The following SHANK2 variants were observed in gnomAD, a reference collection of about 807,000 sequenced individuals.
The protein encoded by SHANK2 is SH3 and multiple ankyrin repeat domains protein 2.
SHANK2 carries 43 observed loss-of-function variants against 133.7 expected under a neutral mutation model. The observed-to-expected ratio is 0.32, with a 90% CI of 0.25 to 0.41. The LOEUF is 0.41. SHANK2 is among the 10% of genes least tolerant of loss of function. The pLI, the probability that SHANK2 is intolerant of heterozygous loss-of-function variation, is 1.00. For synonymous variants in SHANK2, 1,017 were observed against 952.8 expected, an observed-to-expected ratio of 1.07 and a Z score of -1.24; for missense variants, 1,994 against 2,235.8, an observed-to-expected ratio of 0.89 and a Z score of 2.18.
intron 11 of SHANK2, among the ~76,000 whole-genome samples, chr11:70,840,035 A>G (rs533089585): frequency 1.6e-4 from 24 of 152,336 alleles, no homozygotes; most frequent in Non-Finnish European, 1.0e-4. Flanking sequence ...GCAGCTATGC[A>G]GCCCTGGGGC....
intron 15 of SHANK2, among the ~76,000 whole-genome samples, chr11:70,678,004 G>A (rs1301365974): frequency 6.6e-6 from 1 of 152,068 alleles, no homozygotes; most frequent in Non-Finnish European, 1.5e-5. Context: ...TTTGTTAGGG[G>A]GCCCCCTCCA....
At chr11:70,756,584 G>C (rs564716019) in intron 14 of SHANK2, among the ~76,000 whole-genome samples, 1 of 152,248 alleles carries the variant, frequency 6.6e-6, no homozygotes, top group Admixed American at 6.5e-5. Flanking sequence ...CACAACCCCT[G>C]CTGCCCTCTC....
At chr11:71,249,805 G>T (rs1428286169) in intron 1 of SHANK2, among the ~76,000 whole-genome samples, 1 of 152,158 alleles carries the variant, frequency 6.6e-6, no homozygotes, top group Admixed American at 6.5e-5. Flanking sequence ...CTGTATACTG[G>T]TTAATTCCCG....
intron 10 of SHANK2, among the ~76,000 whole-genome samples, chr11:70,905,711 C>G (rs1555077787): frequency 6.6e-6 from 1 of 152,122 alleles, no homozygotes; most frequent in African/African-American, 2.4e-5. Flanking sequence ...CCTCATCAGA[C>G]AGCCCATCTG....
rs782465377 is a variant in SHANK2, at chr11:71,113,287, G to A, written c.483+6C>T. 35 of 1,551,462 alleles carry A rather than the reference G, an allele frequency of 2.3e-5. No individual in the cohort carries two copies. In the Admixed American group the frequency reaches 6.1e-4, roughly 27 times the overall value. ...ACGTGTAAATAACAGCCCGTTCCCTGCATACCTTCGTGTGGAGCTTGGCCA... is the reference window on the plus strand; with the variant it reads ...ACGTGTAAATAACAGCCCGTTCCCTACATACCTTCGTGTGGAGCTTGGCCA... On this transcript the variant is annotated splice_donor_region_variant and intron_variant, in intron 5 of 25. Transcript: ENST00000601538.
chr11:70,847,732 C>T (rs1949017308), intron 11 of SHANK2, among the ~76,000 whole-genome samples: 1 of 152,216 alleles, frequency 6.6e-6, no homozygotes, highest in Admixed American at 6.5e-5. Context: ...TCTCCCACAT[C>T]CCCACAGAGA....
At chr11:70,880,556 C>T (rs533186296) in intron 11 of SHANK2, among the ~76,000 whole-genome samples, 9 of 152,332 alleles carry the variant, frequency 5.9e-5, no homozygotes, top group Non-Finnish European at 7.3e-5. Flanking sequence ...CACCTGGAAG[C>T]GGGCATGCCC....
intron 11 of SHANK2, among the ~76,000 whole-genome samples, chr11:70,859,568 G>C (rs1949225602): frequency 6.6e-6 from 1 of 152,128 alleles, no homozygotes; most frequent in African/African-American, 2.4e-5. Flanking sequence ...GGGATGGATG[G>C]ACTAGTCAGA....
intron 11 of SHANK2, among the ~76,000 whole-genome samples, chr11:70,891,358 C>T (rs1208920909): frequency 1.3e-5 from 2 of 151,698 alleles, no homozygotes; most frequent in Non-Finnish European, 2.9e-5. Flanking sequence ...AAAAAGTAGC[C>T]GGGGGTGGTG....
intron 2 of SHANK2, among the ~76,000 whole-genome samples, chr11:71,192,068 C>T (rs1555115528): frequency 6.6e-6 from 1 of 152,084 alleles, no homozygotes; most frequent in African/African-American, 2.4e-5. Flanking sequence ...ACCGTGTCGA[C>T]CAGGCTGGTC....
At chr11:70,586,748 C>T (rs1432968870) in intron 17 of SHANK2, among the ~76,000 whole-genome samples, 1 of 152,160 alleles carries the variant, frequency 6.6e-6, no homozygotes, top group African/African-American at 2.4e-5. Context: ...AAGCACGGCT[C>T]GCAGCTGGAG....
chr11:70,929,386 T>C (rs1157055100), intron 10 of SHANK2, among the ~76,000 whole-genome samples: 1 of 152,200 alleles, frequency 6.6e-6, no homozygotes, highest in Non-Finnish European at 1.5e-5. Context: ...CTGTAACAAA[T>C]GATGCAATGT....
At chr11:70,748,051 CTG>C (rs1362035742) in intron 14 of SHANK2, among the ~76,000 whole-genome samples, 2 of 148,708 alleles carry the variant, frequency 1.3e-5, no homozygotes, top group East Asian at 3.8e-4. Flanking sequence ...CTTGTCCACT[CTG>C]TACACCTCCT....
At chr11:71,073,148 T>TTTTC (rs1951168076) in intron 9 of SHANK2, among the ~76,000 whole-genome samples, 2 of 33,874 alleles carry the variant, frequency 5.9e-5, no homozygotes, top group African/African-American at 9.8e-5. Flanking sequence ...TTTTCTTTTC[T>TTTTC]TTTTTTTCTT....
chr11:70,500,559 G>C lies in SHANK2; in HGVS notation c.2308+11C>G, dbSNP rs781857555. ...GGCAGGGGGCTGAGACAGACACTGG[G>C]CCTCCCTTACCCTTCTTCTTCCGGA... On this transcript the variant is annotated intron_variant, in intron 21 of 25. Transcript: ENST00000601538. This position sits in a 1 kb window ranked among gnomAD's most constrained non-coding sequence, Gnocchi z 4.5. 3.1e-6 allele frequency: 5 copies of C among 1,602,084 alleles called. No individual in the cohort carries two copies. The highest frequency in any genetic ancestry group is 2.3e-5 in the East Asian group (1 of 44,424).
intron 2 of SHANK2, among the ~76,000 whole-genome samples, chr11:71,215,482 C>T (rs1419570773): frequency 6.6e-6 from 1 of 152,204 alleles, no homozygotes; most frequent in African/African-American, 2.4e-5. Context: ...CAGATGGTGC[C>T]TCCTGCCAAG....
At chr11:70,675,598 C>T (rs1555017034) in intron 15 of SHANK2, among the ~76,000 whole-genome samples, 1 of 152,184 alleles carries the variant, frequency 6.6e-6, no homozygotes, top group Non-Finnish European at 1.5e-5. Flanking sequence ...AAAGAACCCT[C>T]AGGGGAGGCG....
At chr11:71,187,221 T>C (rs1271587036) in intron 2 of SHANK2, among the ~76,000 whole-genome samples, 3 of 152,326 alleles carry the variant, frequency 2.0e-5, no homozygotes, top group Middle Eastern at 6.8e-3. Flanking sequence ...GCCAACAGAA[T>C]GGCACACTCA....
rs563490347 is a variant in SHANK2 at position 70,541,298 on chromosome 11, T to G, written c.2062-38367A>C. On this transcript the variant is annotated intron_variant, in intron 17 of 25. Transcript: ENST00000601538. ...ACACCTGTCCTTCCGTCAGCCTGGC[T>G]GCACCTCTAAGCCTTCCCTACTCAT... Among the ~76,000 whole-genome samples the G allele has an allele frequency of 2.6e-5, 4 of 152,360 alleles. No individual in the cohort carries two copies. In the East Asian group the frequency reaches 7.7e-4, roughly 29 times the overall value.
Sources: allele counts gnomAD v4.1 joint callset (sites outside exome capture counted in the v4.1 genomes callset), GRCh38; gene constraint gnomAD v4.1.1; non-coding constraint Gnocchi (gnomAD v3.1); transcripts MANE v1.5; gene names NCBI Gene and HGNC (gene_info 2026-07-23, HGNC 2026-07-21).